The following PALM2AKAP2 variants were observed in gnomAD, a reference collection of about 807,000 sequenced individuals.
The protein encoded by PALM2AKAP2 is PALM2 and AKAP2 fusion.
PALM2AKAP2 carries 37 observed loss-of-function variants against 71.5 expected under a neutral mutation model. The ratio of observed to expected loss-of-function variants is 0.52; its 90% CI spans 0.40 to 0.68. The LOEUF (loss-of-function observed/expected upper bound fraction) is 0.68, where lower values mean the gene tolerates loss of function less well. PALM2AKAP2 is among the 30% of genes least tolerant of loss of function. The pLI, the probability that PALM2AKAP2 is intolerant of heterozygous loss-of-function variation, is 0.00. For missense variants in PALM2AKAP2, 1,224 were observed against 1,191.8 expected (o/e 1.03, Z -0.40); for synonymous variants, 468 against 478.8 (o/e 0.98, Z 0.29).
At chr9:109,684,693 A>C (rs1235870282) in intron 1 of PALM2AKAP2, among the ~76,000 whole-genome samples, 1 of 152,052 alleles carries the variant, frequency 6.6e-6, no homozygotes, top group East Asian at 1.9e-4. Context: ...ACAAAATAAA[A>C]CCTCTTTTTG....
chr9:109,941,505 G>A (rs1831366371), intron 6 of PALM2AKAP2, among the ~76,000 whole-genome samples: 1 of 152,206 alleles, frequency 6.6e-6, no homozygotes, highest in South Asian at 2.1e-4. Flanking sequence ...GAGAGACTAG[G>A]TAGCAGTGCT....
intron 1 of PALM2AKAP2, among the ~76,000 whole-genome samples, chr9:110,126,677 C>T (rs1170097983): frequency 2.6e-5 from 4 of 152,188 alleles, no homozygotes; most frequent in Non-Finnish European, 4.4e-5. Flanking sequence ...CTCCAAGTAA[C>T]GGAAAGAAAC....
At chr9:109,874,374 A>T (rs530063107) in intron 2 of PALM2AKAP2, among the ~76,000 whole-genome samples, 1 of 152,254 alleles carries the variant, frequency 6.6e-6, no homozygotes, top group Non-Finnish European at 1.5e-5. Context: ...GCAAGATAGT[A>T]GAGTGTACCT....
chr9:109,970,895 C>A (rs1341130146), intron 6 of PALM2AKAP2, among the ~76,000 whole-genome samples: 1 of 152,094 alleles, frequency 6.6e-6, no homozygotes, highest in East Asian at 1.9e-4. Context: ...TTACTTGAGC[C>A]TAGGAGTTTT....
intron 1 of PALM2AKAP2, chr9:109,760,713 G>A (rs1829037512): frequency 6.6e-6 from 1 of 152,172 alleles, no homozygotes; most frequent in Non-Finnish European, 1.5e-5. Context: ...AACTAGCACT[G>A]TGTTAGCCCA....
chr9:109,905,876 G>C (rs1830435012), intron 3 of PALM2AKAP2, among the ~76,000 whole-genome samples: 1 of 152,188 alleles, frequency 6.6e-6, no homozygotes, highest in Non-Finnish European at 1.5e-5. Flanking sequence ...TGTAATCCCA[G>C]CATTTTGGGA....
At chr9:109,726,240 T>A (rs1564126448) in intron 1 of PALM2AKAP2, among the ~76,000 whole-genome samples, 1 of 152,162 alleles carries the variant, frequency 6.6e-6, no homozygotes, top group Non-Finnish European at 1.5e-5. Context: ...GCCCAAGACT[T>A]GCAATCAGAA....
intron 1 of PALM2AKAP2, among the ~76,000 whole-genome samples, chr9:109,693,624 A>G (rs905190185): frequency 3.3e-5 from 5 of 152,044 alleles, no homozygotes; most frequent in African/African-American, 1.2e-4. Context: ...GCTGCCTCTC[A>G]TAATTGTAAC....
chr9:109,753,007 T>C (rs908236342), intron 1 of PALM2AKAP2, among the ~76,000 whole-genome samples: 3 of 152,154 alleles, frequency 2.0e-5, no homozygotes, highest in Non-Finnish European at 4.4e-5. Context: ...TTTCTGGCTT[T>C]AGATGAAGTT....
intron 6 of PALM2AKAP2, among the ~76,000 whole-genome samples, chr9:109,995,446 G>A (rs375211039): frequency 1.1e-4 from 16 of 152,106 alleles, no homozygotes; most frequent in Admixed American, 2.6e-4. Flanking sequence ...CTATCCTCAC[G>A]CTGCTAAAAA....
intron 1 of PALM2AKAP2, among the ~76,000 whole-genome samples, chr9:110,118,604 A>G (rs944177569): frequency 5.3e-5 from 8 of 152,168 alleles, no homozygotes; most frequent in Non-Finnish European, 1.2e-4. Flanking sequence ...ACCCATCAGG[A>G]GTGCCATATT....
chr9:109,876,130 CAGAGA>C (rs1829716203), intron 2 of PALM2AKAP2, among the ~76,000 whole-genome samples: 1 of 152,132 alleles, frequency 6.6e-6, no homozygotes, highest in East Asian at 1.9e-4. Context: ...AGGCCACAAA[CAGAGA>C]AAAGTTTTTT....
At chr9:109,676,977 G>T (rs1827656403) in intron 1 of PALM2AKAP2, among the ~76,000 whole-genome samples, 1 of 152,134 alleles carries the variant, frequency 6.6e-6, no homozygotes, top group Non-Finnish European at 1.5e-5. Flanking sequence ...GAATGGTGGA[G>T]GTAGGAGAGA....
chr9:109,763,774 G>A (rs1829099499), intron 1 of PALM2AKAP2, among the ~76,000 whole-genome samples: 1 of 152,104 alleles, frequency 6.6e-6, no homozygotes. Context: ...CCTCAATGTG[G>A]GGTGGGAGGG....
In PALM2AKAP2 at chr9:109,664,178, G is replaced by A. The variant is rs1176465654; in HGVS notation, c.5+23312G>A. On this transcript the variant is annotated intron_variant, in intron 1 of 6. Coordinates refer to the PALM2AKAP2 transcript ENST00000374531. ...CTGTGTCTTTTAATTGGGGCATTTAGCCCATTTACATTTAATGTTAATATT... is the reference window on the plus strand; with the variant it reads ...CTGTGTCTTTTAATTGGGGCATTTAACCCATTTACATTTAATGTTAATATT... Among the ~76,000 whole-genome samples the A allele has an allele frequency of 1.3e-5, 2 of 152,118 alleles. 1 individual carries two copies. The highest frequency in any genetic ancestry group is 2.9e-5 in the Non-Finnish European group (2 of 68,024).
chr9:109,943,375 G>A (rs1288426054), intron 6 of PALM2AKAP2: 1 of 1,613,682 alleles, frequency 6.2e-7, no homozygotes, highest in African/African-American at 1.3e-5. Flanking sequence ...TACAGAGCCA[G>A]CCCCAGGTAC....
At chr9:109,773,507 A>G (rs1829304229) in intron 1 of PALM2AKAP2, among the ~76,000 whole-genome samples, 1 of 152,168 alleles carries the variant, frequency 6.6e-6, no homozygotes, top group South Asian at 2.1e-4. Flanking sequence ...GAAGTATTTT[A>G]TTTCACTGTA....
chr9:110,025,940 C>T (rs1833174285), intron 7 of PALM2AKAP2, among the ~76,000 whole-genome samples: 1 of 152,074 alleles, frequency 6.6e-6, no homozygotes, highest in Non-Finnish European at 1.5e-5. Flanking sequence ...GAGTGAGGGA[C>T]CCTCTTCTTG....
intron 1 of PALM2AKAP2, among the ~76,000 whole-genome samples, chr9:109,833,827 G>T (rs1407046751): frequency 6.6e-6 from 1 of 152,206 alleles, no homozygotes; most frequent in Non-Finnish European, 1.5e-5. Context: ...CAAGTTGAGA[G>T]CCTCTGTCCG....
Sources: allele counts gnomAD v4.1 joint callset (sites outside exome capture counted in the v4.1 genomes callset), GRCh38; gene constraint gnomAD v4.1.1; transcripts MANE v1.5; gene names NCBI Gene and HGNC (gene_info 2026-07-23, HGNC 2026-07-21).